The following NBEAL1 variants were observed in gnomAD, a reference collection of about 807,000 sequenced individuals.
NBEAL1 encodes neurobeachin-like protein 1.
NBEAL1 carries 273 observed loss-of-function variants against 351.3 expected under a neutral mutation model. The observed-to-expected ratio is 0.78, with a 90% CI of 0.70 to 0.86. NBEAL1 has a LOEUF of 0.86. Ranked by LOEUF, NBEAL1 falls within the 40% of genes least tolerant of loss-of-function variation. NBEAL1 has a pLI of 0.00. For synonymous variants in NBEAL1, 1,050 were observed against 1,086.4 expected, an observed-to-expected ratio of 0.97 and a Z score of 0.66; for missense variants, 2,961 against 3,201.3, an observed-to-expected ratio of 0.92 and a Z score of 1.81.
chr2:203,035,753 A>G lies in NBEAL1; in HGVS notation c.52-6012A>G, dbSNP rs182637025. On this transcript the variant is annotated intron_variant, in intron 2 of 55. Transcript: ENST00000683969. ...TAAATGCAAAGAGATTTGAGATGAA[A>G]AGAGTAAAATTTAAAATCAGGTGGC... Among the ~76,000 whole-genome samples, 6 of 149,334 alleles carry G rather than the reference A, an allele frequency of 4.0e-5. 1 individual carries two copies. In the Admixed American group the frequency reaches 4.0e-4, roughly 10 times the overall value.
rs548646894 is a variant in NBEAL1 at position 203,224,781 on chromosome 2, G to A, written c.*7427G>A. On this transcript the variant is annotated 3_prime_UTR_variant, in exon 56 of 56. Coordinates refer to ENST00000683969, the MANE Select transcript of NBEAL1 (RefSeq NM_001378026.1). ...TATCTAATTATTGACTGTGCAAACT[G>A]TGACTCAGTGGATATTTGTATGCCC... Among the ~76,000 whole-genome samples, 150 of 152,274 alleles carry A rather than the reference G, an allele frequency of 9.9e-4. No individual in the cohort carries two copies. The highest frequency in any genetic ancestry group is 1.8e-3 in the Non-Finnish European group (120 of 67,994).
At chr2:203,167,175 G>A (rs2064158754) in intron 37 of NBEAL1, 52 bp from the exon 38 acceptor site, 1 of 1,531,898 alleles carries the variant, frequency 6.5e-7, no homozygotes, top group Non-Finnish European at 8.8e-7. Context: ...TTTCTACTTA[G>A]CATGAGTAAC....
intron 26 of NBEAL1, among the ~76,000 whole-genome samples, chr2:203,132,852 A>AG (rs1235088301): frequency 6.6e-6 from 1 of 152,200 alleles, no homozygotes; most frequent in African/African-American, 2.4e-5. Flanking sequence ...AGTACGTTCA[A>AG]GCAATCAAAA....
intron 2 of NBEAL1, among the ~76,000 whole-genome samples, chr2:203,026,725 G>GA (rs2060864752): frequency 2.0e-5 from 3 of 152,128 alleles, no homozygotes; most frequent in Non-Finnish European, 4.4e-5. Context: ...ATGTTGGCCA[G>GA]GATGGTCTCA....
At chr2:203,212,783 TA>T (rs1250879062) in intron 54 of NBEAL1, among the ~76,000 whole-genome samples, 1 of 151,974 alleles carries the variant, frequency 6.6e-6, no homozygotes, top group Middle Eastern at 3.2e-3. Context: ...TAGTAGGAAT[TA>T]AATGGACATG....
chr2:203,108,001 C>G lies in NBEAL1; in HGVS notation c.1762C>G (p.Arg588Gly). The G allele has an allele frequency of 6.4e-7, 1 of 1,554,358 alleles. No homozygotes were observed. Among genetic ancestry groups the G allele is most frequent in the Non-Finnish European group, 8.7e-7 (1 of 1,147,882 alleles). ...PVTRAILTMA[R>G]KLSLESALQY... ...GACTCGAGCAATCCTGACAATGGCC[C>G]GAAAACTAAGTCTAGAGAGTGCCCT... Residue 588 changes from arginine to glycine, a missense_variant, in exon 14 of 56, where the codon CGA becomes GGA. By Grantham distance (125) the Arg-to-Gly change is moderately radical. Coordinates refer to ENST00000683969, the MANE Select transcript of NBEAL1 (RefSeq NM_001378026.1).
At chr2:203,100,749 C>T (rs1204242888) in intron 12 of NBEAL1, among the ~76,000 whole-genome samples, 3 of 151,940 alleles carry the variant, frequency 2.0e-5, no homozygotes, top group Non-Finnish European at 4.4e-5. Context: ...GGTTTCACCA[C>T]GTTGGCCAGG....
At position 203,023,115 on chromosome 2, in the gene NBEAL1, G is replaced by T. The variant is rs186022746; in HGVS notation, c.51+6680G>T. ...ATAGATTTGGAAAAATGGAATTAGT[G>T]AATATCTGTTTAATGAGAAAATTAT... On this transcript the variant is annotated intron_variant, in intron 2 of 55. Transcript: ENST00000683969. Among the ~76,000 whole-genome samples the T allele has an allele frequency of 4.5e-3, 683 of 152,276 alleles. 9 individuals are homozygous for T. The highest frequency in any genetic ancestry group is 0.015 in the African/African-American group (642 of 41,580).
Position 203,057,427 on chromosome 2 carries a change from TC to T in NBEAL1, c.490del (p.Arg164GlyfsTer61). 6.4e-7 allele frequency: 1 copy of T among 1,552,030 alleles called. No individual in the cohort carries two copies. The highest frequency in any genetic ancestry group is 8.7e-7 in the Non-Finnish European group (1 of 1,146,414). The part of the protein sequence containing the change: ...AFCESLYDPY[R>X]NWRHRISGRI... The stretch of plus-strand genomic sequence containing the variant: ...TTTGTGAAAGCTTATATGATCCATA[TC>T]GGAATTGGAGACATAGAATTTCAGG... On this transcript the variant is annotated frameshift_variant, in exon 6 of 56. Coordinates refer to ENST00000683969, the MANE Select transcript of NBEAL1 (RefSeq NM_001378026.1). LOFTEE classifies it high-confidence loss of function.
chr2:203,019,981 TTTTTAATTGATAATAATTTTATCTGATAA>T (rs1262946437), intron 2 of NBEAL1, among the ~76,000 whole-genome samples: 4 of 152,194 alleles, frequency 2.6e-5, no homozygotes, highest in African/African-American at 9.6e-5. Context: ...TTTGATTTTA[TTTTTAATTGATAATAATTTTATCTGATAA>T]TTTTAATTGA....
chr2:203,017,018 T>C (rs1447261911), intron 2 of NBEAL1, among the ~76,000 whole-genome samples: 1 of 152,222 alleles, frequency 6.6e-6, no homozygotes, highest in Non-Finnish European at 1.5e-5. Context: ...AGAAACACAG[T>C]ACTACCTGAC....
chr2:203,084,507 C>T lies in NBEAL1; in HGVS notation c.1036C>T (p.Gln346Ter). The T allele has an allele frequency of 6.5e-7, 1 of 1,545,406 alleles. No homozygotes were observed. Among genetic ancestry groups the T allele is most frequent in the Non-Finnish European group, 8.7e-7 (1 of 1,144,142 alleles). ...MLDCTDRPVL[Q>*]AIFLNSNCFE... ...AGATTGTACAGATAGACCTGTTCTT[C>T]AGGCCATTTTTCTTAACAGCAATTG... The change falls in exon 10 of 56, where the codon CAG (glutamine) becomes TAG (stop). Residue 346 changes from glutamine to a stop codon, truncating the protein, a stop_gained. Transcript: ENST00000683969. LOFTEE classifies it high-confidence loss of function.
chr2:203,050,082 G>A (rs532488906), intron 4 of NBEAL1, 107 bp downstream of exon 4: 1 of 1,048,852 alleles, frequency 9.5e-7, no homozygotes, highest in Non-Finnish European at 1.4e-6. Context: ...CTATTGGTGG[G>A]TAGGGTGCTA....
chr2:203,183,460 TCTGA>T, intron 44 of NBEAL1, 72 bp downstream of exon 44: 1 of 835,820 alleles, frequency 1.2e-6, no homozygotes, highest in Admixed American at 2.5e-5. Flanking sequence ...GATGGGATAA[TCTGA>T]CTTAGTTATT....
chr2:203,111,023 A>C (rs1338361503), intron 15 of NBEAL1, among the ~76,000 whole-genome samples: 1 of 152,012 alleles, frequency 6.6e-6, no homozygotes, highest in Non-Finnish European at 1.5e-5. Flanking sequence ...CTCTATAAGT[A>C]AATTTAATTT....
Position 203,169,388 on chromosome 2 carries a change from TA to T in NBEAL1, c.5998-336del, listed in dbSNP as rs1208449990. On this transcript the variant is annotated intron_variant, in intron 38 of 55. Coordinates refer to ENST00000683969, the MANE Select transcript of NBEAL1 (RefSeq NM_001378026.1). ...TAGTCACACAACTGTTTGAATATAG[TA>T]AAAAAAAAAAAAAAAAAAAAAACCA... 3.6e-3 allele frequency among the ~76,000 whole-genome samples: 327 copies of T among 89,628 alleles called. 2 individuals carry two copies. Among genetic ancestry groups the T allele is most frequent in the Middle Eastern group, 0.013 (2 of 150 alleles). The allele number at this position is 89,628 out of a possible 152,430, so 58.8% of individuals were successfully genotyped here. A position where few individuals can be genotyped will look rare whatever the true frequency, so the allele number is the denominator to read the frequency against.
At position 203,057,453 on chromosome 2, in the gene NBEAL1, G is replaced by A; in HGVS notation, c.515G>A (p.Gly172Glu). 6.5e-7 allele frequency: 1 copy of A among 1,546,380 alleles called. No homozygotes were observed. The highest frequency in any genetic ancestry group is 8.7e-7 in the Non-Finnish European group (1 of 1,143,754). Residue 172 changes from glycine to glutamate, a missense_variant and splice_region_variant, in exon 6 of 56, where the codon GGA becomes GAA. Physicochemically the swap from Gly to Glu is moderately conservative, Grantham distance 98. Transcript: ENST00000683969. ...PYRNWRHRIS[G>E]RILSTVEKSR... Reference sequence around the variant, plus strand: ...CGGAATTGGAGACATAGAATTTCAGGGTATGTCTTATAAATAATAACGTTC... The same window carrying A: ...CGGAATTGGAGACATAGAATTTCAGAGTATGTCTTATAAATAATAACGTTC...
At chr2:203,100,299 C>A (rs1022889548) in intron 12 of NBEAL1, among the ~76,000 whole-genome samples, 2 of 152,104 alleles carry the variant, frequency 1.3e-5, no homozygotes, top group Non-Finnish European at 2.9e-5. Context: ...GGTAATTCTG[C>A]TTTGAGTTGT....
intron 6 of NBEAL1, among the ~76,000 whole-genome samples, chr2:203,067,228 A>G: frequency 6.6e-6 from 1 of 152,246 alleles, no homozygotes; most frequent in Non-Finnish European, 1.5e-5. Context: ...ATCTTTGATA[A>G]TGGTCTTAAT....
Sources: allele counts gnomAD v4.1 joint callset (sites outside exome capture counted in the v4.1 genomes callset), GRCh38; gene constraint gnomAD v4.1.1; transcripts MANE v1.5; gene names NCBI Gene and HGNC (gene_info 2026-07-23, HGNC 2026-07-21).